The following ASNS variants were observed in gnomAD, a reference collection of about 807,000 sequenced individuals.
ASNS encodes asparagine synthetase (glutamine-hydrolyzing).
Under a neutral mutation model 62.6 loss-of-function variants are expected in ASNS, and 37 were observed. The ratio of observed to expected loss-of-function variants is 0.59; its 90% CI spans 0.45 to 0.78. The LOEUF (loss-of-function observed/expected upper bound fraction) is 0.78, where lower values mean the gene tolerates loss of function less well. Among genes scored for constraint, ASNS ranks in the 30% least tolerant of loss-of-function variants. ASNS has a pLI of 0.00. For missense variants in ASNS, 520 were observed against 682.4 expected (o/e 0.76, Z 2.65); for synonymous variants, 207 against 237.9 (o/e 0.87, Z 1.19).
the ASNS span, among the ~76,000 whole-genome samples, chr7:97,878,058 C>A: frequency 6.6e-6 from 1 of 152,136 alleles, no homozygotes; most frequent in Non-Finnish European, 1.5e-5. Flanking sequence ...CAGGTGATGG[C>A]GTAGGATGCA....
chr7:97,880,129 C>CT, the ASNS span, among the ~76,000 whole-genome samples: 2 of 87,170 alleles, frequency 2.3e-5, no homozygotes, highest in African/African-American at 1.2e-4. Flanking sequence ...AGGATCATCT[C>CT]TGTCTTTTTT....
At chr7:97,858,534 A>G in intron 6 of ASNS, 129 bp from the exon 7 acceptor site, 1 of 1,163,912 alleles carries the variant, frequency 8.6e-7, no homozygotes, top group Non-Finnish European at 1.2e-6. Context: ...AGTTTTATAA[A>G]CTGAAATCAA....
At position 97,854,441 on chromosome 7, in the gene ASNS, TG is replaced by T. The variant is rs562386325; in HGVS notation, c.1238+138del. The T allele has an allele frequency of 4.0e-3, 4,089 of 1,032,960 alleles. 21 individuals are homozygous for T. The highest frequency in any genetic ancestry group is 5.1e-3 in the Non-Finnish European group (3,711 of 721,196). The allele number at this position is 1,032,960 out of a possible 1,614,324, so 64.0% of individuals were successfully genotyped here. ...CATTTTCTCTATAAAAGTCACACTTTGTAACATATAGCCAACTATATGTAAC... is the reference window on the plus strand; with the variant it reads ...CATTTTCTCTATAAAAGTCACACTTTTAACATATAGCCAACTATATGTAAC... On this transcript the variant is annotated intron_variant, in intron 10 of 12. Transcript: ENST00000394308.
At chr7:97,861,542 A>T (rs1791720038) in intron 4 of ASNS, among the ~76,000 whole-genome samples, 1 of 152,168 alleles carries the variant, frequency 6.6e-6, no homozygotes. Flanking sequence ...TTCTGTCAGT[A>T]TTATATTGTC....
At chr7:97,885,638 A>C in the ASNS span, among the ~76,000 whole-genome samples, 1 of 152,252 alleles carries the variant, frequency 6.6e-6, no homozygotes, top group Non-Finnish European at 1.5e-5. Flanking sequence ...ATGTGATGAA[A>C]TATGATGCAA....
chr7:97,890,747 TA>T, the ASNS span, among the ~76,000 whole-genome samples: 93 of 147,936 alleles, frequency 6.3e-4, no homozygotes, highest in African/African-American at 1.6e-3. Context: ...ACTCCATTGC[TA>T]AAAAAAAAAT....
intron 12 of ASNS, 93 bp downstream of exon 12, chr7:97,852,967 A>G: frequency 1.6e-6 from 2 of 1,221,566 alleles, no homozygotes; most frequent in Non-Finnish European, 2.2e-6. Flanking sequence ...AACTAAATAC[A>G]TGTATCATTC....
At chr7:97,855,216 C>G in intron 9 of ASNS, 137 bp downstream of exon 9, 1 of 595,524 alleles carries the variant, frequency 1.7e-6, no homozygotes, top group Non-Finnish European at 2.9e-6. Flanking sequence ...AGAAAGCAAA[C>G]ACTATCAGAT....
At chr7:97,864,699 G>A (rs1027005826) in intron 3 of ASNS, among the ~76,000 whole-genome samples, 1 of 152,152 alleles carries the variant, frequency 6.6e-6, no homozygotes, top group Non-Finnish European at 1.5e-5. Flanking sequence ...CCGAACCCAT[G>A]AAAATTTTAG....
chr7:97,878,864 T>C, the ASNS span, among the ~76,000 whole-genome samples: 3 of 152,188 alleles, frequency 2.0e-5, no homozygotes, highest in African/African-American at 7.2e-5. Context: ...AGAACAAAGC[T>C]GGAGGCATCA....
At chr7:97,876,879 G>A (rs1792448629), upstream of ASNS, among the ~76,000 whole-genome samples, 1 of 152,124 alleles carries the variant, frequency 6.6e-6, no homozygotes, top group African/African-American at 2.4e-5. Context: ...AGTGGACGCT[G>A]TAATGACTTT....
chr7:97,896,709 T>TACACAC, the ASNS span, among the ~76,000 whole-genome samples: 57 of 36,662 alleles, frequency 1.6e-3, 1 homozygote, highest in African/African-American at 4.6e-3. Context: ...TGTGTATATA[T>TACACAC]ATACACACAC....
chr7:97,878,776 G>A, the ASNS span, among the ~76,000 whole-genome samples: 3 of 152,050 alleles, frequency 2.0e-5, no homozygotes, highest in Admixed American at 6.6e-5. Flanking sequence ...CTTTCTTCAC[G>A]GAATTGGAAA....
chr7:97,893,736 A>G, the ASNS span, among the ~76,000 whole-genome samples: 1 of 152,262 alleles, frequency 6.6e-6, no homozygotes, highest in Non-Finnish European at 1.5e-5. Flanking sequence ...AGCAAATATT[A>G]TTAAATCTAC....
At chr7:97,886,118 G>A in the ASNS span, 7 of 365,204 alleles carry the variant, frequency 1.9e-5, no homozygotes, top group African/African-American at 4.2e-5. Context: ...TTGTTTTGTT[G>A]TTGTTACTGT....
At chr7:97,904,439 C>T in the ASNS span, among the ~76,000 whole-genome samples, 3 of 152,098 alleles carry the variant, frequency 2.0e-5, no homozygotes, top group African/African-American at 7.2e-5. Context: ...CATGCTACAT[C>T]TGCAGGGAGG....
the ASNS span, among the ~76,000 whole-genome samples, chr7:97,907,324 T>C: frequency 6.6e-6 from 1 of 152,230 alleles, no homozygotes; most frequent in East Asian, 1.9e-4. Flanking sequence ...ATCAAGACAG[T>C]GATTCCCCGA....
the ASNS span, chr7:97,899,074 C>G: frequency 1.8e-6 from 1 of 553,794 alleles, no homozygotes; most frequent in Non-Finnish European, 3.3e-6. Context: ...CTTCTTAACT[C>G]CCTTTTTGCC....
the ASNS span, among the ~76,000 whole-genome samples, chr7:97,920,319 T>G: frequency 6.6e-6 from 1 of 152,158 alleles, no homozygotes; most frequent in Non-Finnish European, 1.5e-5. Context: ...GTCCTAACTC[T>G]GCCATCTCTT....
Sources: allele counts gnomAD v4.1 joint callset (sites outside exome capture counted in the v4.1 genomes callset), GRCh38; gene constraint gnomAD v4.1.1; transcripts MANE v1.5; gene names NCBI Gene and HGNC (gene_info 2026-07-23, HGNC 2026-07-21).